The following PLEKHG7 variants were observed in gnomAD, a reference collection of about 807,000 sequenced individuals.
PLEKHG7 encodes pleckstrin homology domain-containing family G member 7.
PLEKHG7 carries 77 observed loss-of-function variants against 85.2 expected under a neutral mutation model. That is an observed-to-expected ratio of 0.90 (90% CI 0.75 to 1.09). The LOEUF is 1.09. PLEKHG7 is among the 50% of genes least tolerant of loss of function. The probability of loss-of-function intolerance (pLI) is 0.00; values close to 1 mark genes in which losing one functional copy is unlikely to be tolerated. For missense variants in PLEKHG7, 777 were observed against 804.3 expected, an observed-to-expected ratio of 0.97 and a Z score of 0.41; for synonymous variants, 301 against 302.4, an observed-to-expected ratio of 1.00 and a Z score of 0.05.
At chr12:92,757,540 T>G (rs1872868514) in intron 13 of PLEKHG7, among the ~76,000 whole-genome samples, 1 of 152,200 alleles carries the variant, frequency 6.6e-6, no homozygotes, top group Non-Finnish European at 1.5e-5. Flanking sequence ...ACCTGGCAGC[T>G]GTTAAATAAG....
At chr12:92,761,909 G>A (rs1592689254) in intron 14 of PLEKHG7, 78 bp downstream of exon 14, 14 of 1,386,546 alleles carry the variant, frequency 1.0e-5, no homozygotes, top group African/African-American at 1.5e-5. Flanking sequence ...AATAAACTGT[G>A]GTAAAAATAT....
intron 9 of PLEKHG7, among the ~76,000 whole-genome samples, chr12:92,744,205 A>C (rs1348988122): frequency 2.6e-5 from 4 of 152,178 alleles, no homozygotes; most frequent in Non-Finnish European, 4.4e-5. Context: ...TTCCTTCTCC[A>C]ATTTCACCAC....
In PLEKHG7 at chr12:92,745,481, T is replaced by G; in HGVS notation, c.1141T>G (p.Phe381Val). The change falls in exon 10 of 17, where the codon TTC (phenylalanine) becomes GTC (valine). Residue 381 changes from phenylalanine (F) to valine (V), a missense_variant. By Grantham distance (50) the Phe-to-Val change is conservative (BLOSUM62 -1). Transcript: ENST00000344636. ...TTCTGCTCTTCCTTTCTTGCAGTAT[T>G]TCCGAGGGAGTCTCTGTCAGAGCCA... ...LDFISVLTKY[F>V]RGSLCQSHQT... is the part of the protein sequence containing the mutation. 14 of 1,608,200 alleles carry G rather than the reference T, an allele frequency of 8.7e-6. No homozygotes were observed. Among genetic ancestry groups the G allele is most frequent in the Non-Finnish European group, 1.2e-5 (14 of 1,174,664 alleles).
intron 13 of PLEKHG7, among the ~76,000 whole-genome samples, chr12:92,760,300 G>A (rs1872950024): frequency 6.6e-6 from 1 of 152,054 alleles, no homozygotes; most frequent in African/African-American, 2.4e-5. Context: ...GCCACAACTT[G>A]ATTTATGAAA....
intron 15 of PLEKHG7, among the ~76,000 whole-genome samples, chr12:92,765,296 G>C (rs1413288308): frequency 6.7e-6 from 1 of 148,862 alleles, no homozygotes; most frequent in Middle Eastern, 3.4e-3. Context: ...AGACCAGCCT[G>C]GGCAACATAG....
In PLEKHG7 at chr12:92,706,981, A is replaced by G; in HGVS notation, c.350A>G (p.Asn117Ser). 1 of 1,614,168 alleles carries G rather than the reference A, an allele frequency of 6.2e-7. No homozygotes were observed. Among genetic ancestry groups the G allele is most frequent in the Non-Finnish European group, 8.5e-7 (1 of 1,180,014 alleles). The change falls in exon 2 of 17, where the codon AAT (asparagine) becomes AGT (serine). Residue 117 changes from asparagine (N) to serine (S), a missense_variant. Transcript: ENST00000344636. ...RLTSEPERAL[N>S]AADSLEPQTR... ...ACCTCTGAACCTGAAAGGGCCCTGA[A>G]TGCAGCTGACTCACTGGAGCCCCAA...
chr12:92,744,909 C>A (rs1872483968), intron 9 of PLEKHG7, among the ~76,000 whole-genome samples: 1 of 152,262 alleles, frequency 6.6e-6, no homozygotes, highest in South Asian at 2.1e-4. Flanking sequence ...CTCAGGCAAT[C>A]CGCCTGCCTC....
rs182637104 is a variant in PLEKHG7 at position 92,735,362 on chromosome 12, G to A, written c.700-1120G>A. ...AACCCTACCAGAGAAACCAGCCACA[G>A]CCCATTAGCACATTCTGAAACTATG... On this transcript the variant is annotated intron_variant, in intron 5 of 16. Coordinates refer to ENST00000344636, the MANE Select transcript of PLEKHG7 (RefSeq NM_001377329.1). Among the ~76,000 whole-genome samples the A allele has an allele frequency of 2.0e-4, 30 of 152,230 alleles. No individual in the cohort carries two copies. The East Asian group carries it at 5.8e-3, about 29-fold the overall frequency.
chr12:92,732,433 G>C (rs1378557146), intron 5 of PLEKHG7, among the ~76,000 whole-genome samples, 160 bp downstream of exon 5: 1 of 152,178 alleles, frequency 6.6e-6, no homozygotes, highest in African/African-American at 2.4e-5. Context: ...ATTGGCTACG[G>C]AACATGCCAA....
rs7316541 is a variant in PLEKHG7, at chr12:92,756,284, G to T, written c.1543-14G>T. Reference sequence around the variant, plus strand: ...CTAACAACATCTCTTTTATTTTCTCGCTTGTTTTACAAGTGTTTGAAACAC... The same window carrying T: ...CTAACAACATCTCTTTTATTTTCTCTCTTGTTTTACAAGTGTTTGAAACAC... On this transcript the variant is annotated splice_polypyrimidine_tract_variant and intron_variant, in intron 12 of 16. Coordinates refer to ENST00000344636, the MANE Select transcript of PLEKHG7 (RefSeq NM_001377329.1). The T allele has an allele frequency of 6.4e-7, 1 of 1,570,802 alleles. No individual in the cohort carries two copies. Among genetic ancestry groups the T allele is most frequent in the South Asian group, 1.1e-5 (1 of 89,428 alleles).
chr12:92,769,966 T>G, intron 16 of PLEKHG7, 122 bp from the exon 17 acceptor site: 1 of 616,244 alleles, frequency 1.6e-6, no homozygotes, highest in South Asian at 2.3e-5. Flanking sequence ...AATGTTTCAT[T>G]AGTCTTCAGT....
At chr12:92,742,051 T>C (rs1872372828) in intron 9 of PLEKHG7, among the ~76,000 whole-genome samples, 2 of 152,238 alleles carry the variant, frequency 1.3e-5, no homozygotes, top group South Asian at 2.1e-4. Context: ...TTGATCAATG[T>C]TATTTATTTC....
chr12:92,741,526 C>T lies in PLEKHG7; in HGVS notation c.1071C>T (p.Ile357=), dbSNP rs1323322015. 14 of 1,612,934 alleles carry T rather than the reference C, an allele frequency of 8.7e-6. No homozygotes were observed. The highest frequency in any genetic ancestry group is 1.3e-5 in the African/African-American group (1 of 74,918). Residue 357 remains isoleucine, a synonymous_variant, in exon 9 of 17, where the codon ATC becomes ATT. Transcript: ENST00000344636. ...GTTTTGTGAACAGTCTCTTTGGCAT[C>T]ATCAAGGACTATGTAGACGCTTCTG... ...SLGFVNSLFG[I]IKDYVDASEI...
rs114344159 is a variant in PLEKHG7, at chr12:92,714,386, C to G, written c.530+6714C>G. Among the ~76,000 whole-genome samples the G allele has an allele frequency of 3.0e-4, 46 of 152,280 alleles. No homozygotes were observed. The East Asian group carries it at 8.5e-3, about 28-fold the overall frequency. ...GTCCCCAGCTTCATCAGCGTCCTCC[C>G]GGGCATCCTATTCCAAGTTGCAGGG... On this transcript the variant is annotated intron_variant, in intron 3 of 16. Coordinates refer to ENST00000344636, the MANE Select transcript of PLEKHG7 (RefSeq NM_001377329.1).
chr12:92,717,366 A>C (rs981324530), intron 3 of PLEKHG7, among the ~76,000 whole-genome samples: 4 of 152,216 alleles, frequency 2.6e-5, no homozygotes, highest in Admixed American at 2.0e-4. Context: ...TGGGGTTACC[A>C]ATAGGGGGCA....
At chr12:92,750,292 T>A (rs928304232) in intron 10 of PLEKHG7, among the ~76,000 whole-genome samples, 1 of 152,112 alleles carries the variant, frequency 6.6e-6, no homozygotes, top group Non-Finnish European at 1.5e-5. Flanking sequence ...TTATTTGCCT[T>A]CCCTAACGGA....
chr12:92,765,879 G>A (rs1380862653), intron 15 of PLEKHG7, among the ~76,000 whole-genome samples: 2 of 152,134 alleles, frequency 1.3e-5, no homozygotes, highest in Non-Finnish European at 2.9e-5. Flanking sequence ...AGAGCAGAAG[G>A]GAAGCCTGTA....
At chr12:92,709,697 A>G (rs769538470) in intron 3 of PLEKHG7, among the ~76,000 whole-genome samples, 6 of 152,242 alleles carry the variant, frequency 3.9e-5, no homozygotes, top group Non-Finnish European at 5.9e-5. Flanking sequence ...TTCCATTGCC[A>G]TATGAAATCT....
At chr12:92,729,226 C>G in intron 4 of PLEKHG7, 106 bp downstream of exon 4, 1 of 1,182,618 alleles carries the variant, frequency 8.5e-7, no homozygotes, top group Non-Finnish European at 1.1e-6. Flanking sequence ...AATATATGCA[C>G]TGACCTGTTA....
Sources: allele counts gnomAD v4.1 joint callset (sites outside exome capture counted in the v4.1 genomes callset), GRCh38; gene constraint gnomAD v4.1.1; transcripts MANE v1.5; gene names NCBI Gene and HGNC (gene_info 2026-07-23, HGNC 2026-07-21).